Variants in CA10 observed in about 807,000 individuals in gnomAD.
CA10 encodes carbonic anhydrase-related protein 10.
Under a neutral mutation model 44.2 loss-of-function variants are expected in CA10, and 14 were observed. That is an observed-to-expected ratio of 0.32 (90% CI 0.21 to 0.50). The LOEUF (loss-of-function observed/expected upper bound fraction) is 0.50. Among genes scored for constraint, CA10 ranks in the 20% least tolerant of loss-of-function variants. The pLI, the probability that CA10 is intolerant of heterozygous loss-of-function variation, is 0.99. For synonymous variants in CA10, 159 were observed against 141.6 expected, an observed-to-expected ratio of 1.12 and a Z score of -0.87; for missense variants, 350 against 409.7, an observed-to-expected ratio of 0.85 and a Z score of 1.26.
chr17:52,110,759 C>T (rs905469601), intron 1 of CA10, among the ~76,000 whole-genome samples: 1 of 152,160 alleles, frequency 6.6e-6, no homozygotes, highest in African/African-American at 2.4e-5. Context: ...TCAAACCCTC[C>T]ATATCCATTG....
chr17:51,907,217 A>C (rs1024988476), intron 3 of CA10, among the ~76,000 whole-genome samples: 2 of 152,138 alleles, frequency 1.3e-5, no homozygotes, highest in African/African-American at 4.8e-5. Context: ...GGAATGTGCC[A>C]AGTCTGTACC....
intron 3 of CA10, among the ~76,000 whole-genome samples, chr17:51,828,224 C>G (rs896354777): frequency 6.6e-6 from 1 of 152,140 alleles, no homozygotes; most frequent in African/African-American, 2.4e-5. Flanking sequence ...CTGGGCACTG[C>G]AGACAGTGGT....
rs553192939 is a variant in CA10, at chr17:52,087,226, C to T, written c.62-14833G>A. 1.2e-4 allele frequency among the ~76,000 whole-genome samples: 18 copies of T among 152,308 alleles called. 1 individual carries two copies. In the East Asian group the frequency reaches 1.4e-3, roughly 11 times the overall value. Reference sequence around the variant, plus strand: ...CCTGATGTCGTCTCACTGCAACCTCCGCCTCCTGGATTCAAGTGATTCTCT... The same window carrying T: ...CCTGATGTCGTCTCACTGCAACCTCTGCCTCCTGGATTCAAGTGATTCTCT... On this transcript the variant is annotated intron_variant, in intron 1 of 8. Coordinates refer to ENST00000451037, the MANE Select transcript of CA10 (RefSeq NM_020178.5).
intron 1 of CA10, among the ~76,000 whole-genome samples, chr17:52,082,215 G>A (rs1331738544): frequency 6.6e-6 from 1 of 152,074 alleles, no homozygotes; most frequent in Non-Finnish European, 1.5e-5. Context: ...TTATTTACAA[G>A]TTTTATAGAA....
chr17:52,159,509 A>C (rs1304780035), upstream of CA10: 4 of 152,202 alleles, frequency 2.6e-5, no homozygotes, highest in African/African-American at 7.2e-5. Context: ...TCTTTAGGGA[A>C]GCTCTAGTGC....
At chr17:52,023,542 T>A (rs934836165) in intron 2 of CA10, among the ~76,000 whole-genome samples, 17 of 152,008 alleles carry the variant, frequency 1.1e-4, no homozygotes, top group African/African-American at 4.1e-4. Context: ...AATACCCTAA[T>A]GGACATGGCC....
chr17:52,062,069 T>TA (rs1987402917), intron 2 of CA10, among the ~76,000 whole-genome samples: 1 of 146,746 alleles, frequency 6.8e-6, no homozygotes, highest in Non-Finnish European at 1.5e-5. Context: ...TGGCCACTTT[T>TA]TTTTTTTTTT....
chr17:51,684,795 G>T (rs1914955385), intron 4 of CA10, among the ~76,000 whole-genome samples: 1 of 152,152 alleles, frequency 6.6e-6, no homozygotes, highest in African/African-American at 2.4e-5. Context: ...TGGATTCTTT[G>T]ATTATATCTC....
intron 1 of CA10, among the ~76,000 whole-genome samples, chr17:52,096,661 G>A (rs1198648218): frequency 6.6e-6 from 1 of 152,066 alleles, no homozygotes; most frequent in Non-Finnish European, 1.5e-5. Context: ...TTTGCTAAAT[G>A]TACTAAGATT....
chr17:51,887,657 T>C (rs183649442), intron 3 of CA10, among the ~76,000 whole-genome samples: 4 of 151,898 alleles, frequency 2.6e-5, no homozygotes, highest in African/African-American at 4.8e-5. Context: ...ATTGTGAAGA[T>C]AAAATAAAAT....
rs567914435 is a variant in CA10 at position 51,733,124 on chromosome 17, G to A, written c.465+14509C>T. On this transcript the variant is annotated intron_variant, in intron 4 of 8. Transcript: ENST00000451037. ...GCCGTCAGGAACTAGAGCCCCCAGA[G>A]GACAGTGGCAGGATTTGTTCTTGGG... Among the ~76,000 whole-genome samples the A allele has an allele frequency of 5.9e-5, 9 of 152,268 alleles. No individual in the cohort carries two copies. In the East Asian group the frequency reaches 1.7e-3, roughly 29 times the overall value.
At chr17:51,941,678 GT>G (rs1438250973) in intron 2 of CA10, among the ~76,000 whole-genome samples, 13 of 152,074 alleles carry the variant, frequency 8.5e-5, no homozygotes, top group Non-Finnish European at 1.8e-4. Flanking sequence ...GCAAATACCA[GT>G]AATGTTGAAA....
At chr17:51,710,767 C>T (rs767196323) in intron 4 of CA10, among the ~76,000 whole-genome samples, 1 of 152,000 alleles carries the variant, frequency 6.6e-6, no homozygotes, top group Non-Finnish European at 1.5e-5. Flanking sequence ...GTTGCAAGTC[C>T]TCCCTGTGCC....
chr17:51,982,975 T>C (rs1470067621), intron 2 of CA10, among the ~76,000 whole-genome samples: 1 of 151,886 alleles, frequency 6.6e-6, no homozygotes, highest in Admixed American at 6.6e-5. Context: ...GCTTAAGATA[T>C]TCAGTTATGT....
At chr17:52,055,373 C>G (rs1178049308) in intron 2 of CA10, among the ~76,000 whole-genome samples, 1 of 146,110 alleles carries the variant, frequency 6.8e-6, no homozygotes, top group Admixed American at 6.8e-5. Context: ...CAAAGCAAAA[C>G]TTAAATATGG....
intron 2 of CA10, among the ~76,000 whole-genome samples, chr17:52,054,652 C>T (rs1987174109): frequency 6.6e-6 from 1 of 151,914 alleles, no homozygotes; most frequent in Admixed American, 6.6e-5. Context: ...GATGTCTCCC[C>T]CAGACACCCA....
intron 4 of CA10, among the ~76,000 whole-genome samples, chr17:51,700,019 A>G (rs1159888719): frequency 6.6e-6 from 1 of 152,194 alleles, no homozygotes; most frequent in Non-Finnish European, 1.5e-5. Flanking sequence ...AGGCATGCAA[A>G]GTACTTTCCT....
At chr17:51,949,813 C>T (rs1350680143) in intron 2 of CA10, among the ~76,000 whole-genome samples, 1 of 152,106 alleles carries the variant, frequency 6.6e-6, no homozygotes, top group Non-Finnish European at 1.5e-5. Flanking sequence ...GACTATAGAG[C>T]TTTGTGGCCC....
chr17:51,704,965 TA>T (rs768498016), intron 4 of CA10, among the ~76,000 whole-genome samples: 339 of 129,162 alleles, frequency 2.6e-3, no homozygotes, highest in Non-Finnish European at 2.7e-3. Flanking sequence ...CGACTCTGTC[TA>T]AAAAAAAAAA....
Sources: allele counts gnomAD v4.1 joint callset (sites outside exome capture counted in the v4.1 genomes callset), GRCh38; gene constraint gnomAD v4.1.1; transcripts MANE v1.5; gene names NCBI Gene and HGNC (gene_info 2026-07-23, HGNC 2026-07-21).